The following RIN3 variants were observed in gnomAD, a reference collection of about 807,000 sequenced individuals.
RIN3 encodes the protein RAB5 interacting protein 3.
A neutral mutation model predicts 76.3 loss-of-function variants in RIN3; 54 were observed. The observed-to-expected ratio is 0.71, with a 90% confidence interval of 0.57 to 0.89. The LOEUF (loss-of-function observed/expected upper bound fraction) is 0.89, where lower values mean the gene tolerates loss of function less well. Ranked by LOEUF, RIN3 falls within the 40% of genes least tolerant of loss-of-function variation. The pLI is 0.00. For synonymous variants in RIN3, 576 were observed against 564.0 expected, an observed-to-expected ratio of 1.02 and a Z score of -0.30; for missense variants, 1,256 against 1,322.1, an observed-to-expected ratio of 0.95 and a Z score of 0.78.
chr14:92,572,963 C>A (rs1898106402), intron 2 of RIN3, among the ~76,000 whole-genome samples: 1 of 142,028 alleles, frequency 7.0e-6, no homozygotes, highest in Non-Finnish European at 1.5e-5. Context: ...CTCACTGCAA[C>A]CTCTGCCTCC....
At chr14:92,657,911 C>T (rs1056462737) in intron 6 of RIN3, among the ~76,000 whole-genome samples, 21 of 152,200 alleles carry the variant, frequency 1.4e-4, no homozygotes, top group African/African-American at 5.1e-4. Flanking sequence ...AGCATGAGTC[C>T]CTCCCTCCTC....
intron 3 of RIN3, among the ~76,000 whole-genome samples, chr14:92,579,115 A>G (rs568830164): frequency 1.3e-5 from 2 of 151,876 alleles, no homozygotes; most frequent in African/African-American, 4.8e-5. Context: ...TTTAGTAGAG[A>G]CGGAGTTTCT....
chr14:92,602,526 G>A (rs1465812989), intron 3 of RIN3, among the ~76,000 whole-genome samples: 1 of 152,192 alleles, frequency 6.6e-6, no homozygotes, highest in African/African-American at 2.4e-5. Context: ...GCCTTCCTGA[G>A]CCTCAGTTTC....
At chr14:92,515,133 CCCTT>C (rs955378899) in intron 1 of RIN3, 43 of 662,126 alleles carry the variant, frequency 6.5e-5, no homozygotes, top group African/African-American at 5.5e-4. Context: ...CTGAACGTCT[CCCTT>C]CCCTTCTTCT....
At chr14:92,605,386 G>A (rs1012663530) in intron 3 of RIN3, among the ~76,000 whole-genome samples, 4 of 152,186 alleles carry the variant, frequency 2.6e-5, no homozygotes, top group African/African-American at 9.7e-5. Flanking sequence ...TTAGAAGTGG[G>A]ATCTCTGGGG....
intron 5 of RIN3, among the ~76,000 whole-genome samples, chr14:92,646,488 G>A (rs547656513): frequency 6.6e-6 from 1 of 152,350 alleles, no homozygotes; most frequent in Non-Finnish European, 1.5e-5. Flanking sequence ...AGGCTGGAGT[G>A]CAGTGGCACG....
intron 2 of RIN3, 66 bp from the exon 3 acceptor site, chr14:92,577,294 G>C: frequency 9.2e-7 from 1 of 1,089,122 alleles, no homozygotes; most frequent in African/African-American, 1.5e-5. Flanking sequence ...TCCATCTCGT[G>C]GTTGTCCTCC....
chr14:92,605,443 A>G (rs1265116339), intron 3 of RIN3, among the ~76,000 whole-genome samples: 1 of 152,246 alleles, frequency 6.6e-6, no homozygotes, highest in Non-Finnish European at 1.5e-5. Flanking sequence ...TGTGTTTCAC[A>G]AGTATGTGTA....
chr14:92,577,926 A>G (rs546759998), intron 3 of RIN3, among the ~76,000 whole-genome samples: 3 of 152,316 alleles, frequency 2.0e-5, no homozygotes, highest in Admixed American at 6.5e-5. Context: ...GTGAGGGTCA[A>G]AGGGACAAAC....
At chr14:92,602,281 C>G (rs578180717) in intron 3 of RIN3, among the ~76,000 whole-genome samples, 2 of 152,314 alleles carry the variant, frequency 1.3e-5, no homozygotes, top group South Asian at 4.1e-4. Context: ...AAGTTCTGCC[C>G]AAGAAGGCCT....
At chr14:92,538,120 C>T (rs772980339) in intron 1 of RIN3, among the ~76,000 whole-genome samples, 46 of 151,518 alleles carry the variant, frequency 3.0e-4, no homozygotes, top group East Asian at 9.7e-4. Flanking sequence ...CCACCACACC[C>T]GGCCACACCT....
chr14:92,544,925 C>T (rs1897222326), intron 1 of RIN3, among the ~76,000 whole-genome samples: 1 of 152,064 alleles, frequency 6.6e-6, no homozygotes, highest in Admixed American at 6.6e-5. Context: ...TCAAGGGCAG[C>T]CATCTTCCTG....
chr14:92,514,540 C>G lies in RIN3; in HGVS notation c.44+564C>G, dbSNP rs982891064. 6.6e-6 allele frequency among the ~76,000 whole-genome samples: 1 copy of G among 152,256 alleles called. No homozygotes were observed. The highest frequency in any genetic ancestry group is 1.5e-5 in the Non-Finnish European group (1 of 68,042). On this transcript the variant is annotated intron_variant, in intron 1 of 9. Coordinates refer to ENST00000216487, the MANE Select transcript of RIN3 (RefSeq NM_024832.5). This position sits in a 1 kb window ranked among gnomAD's most constrained non-coding sequence, Gnocchi z 7.2. ...ACTGGGCCCTTTTCCCGCCGCCCCTCTGCCCTGGCCGTAGACGGTGACCTT... is the reference window on the plus strand; with the variant it reads ...ACTGGGCCCTTTTCCCGCCGCCCCTGTGCCCTGGCCGTAGACGGTGACCTT...
intron 2 of RIN3, among the ~76,000 whole-genome samples, chr14:92,575,440 G>C (rs1952333): frequency 0.9 from 137,116 of 152,174 alleles, 62,138 homozygotes; most frequent in Non-Finnish European, 0.95. Flanking sequence ...AAAAGAATGG[G>C]TGCTCTATCC....
chr14:92,543,420 C>G (rs1269911379), intron 1 of RIN3, among the ~76,000 whole-genome samples: 1 of 152,056 alleles, frequency 6.6e-6, no homozygotes, highest in Non-Finnish European at 1.5e-5. Context: ...GGTCTTCAAA[C>G]AGATACAACT....
chr14:92,612,547 T>C (rs1054104261), intron 3 of RIN3, among the ~76,000 whole-genome samples: 2 of 152,216 alleles, frequency 1.3e-5, no homozygotes, highest in East Asian at 3.9e-4. Flanking sequence ...AGACAGACTT[T>C]TAGTAAACAT....
chr14:92,669,394 G>A (rs890880408), intron 7 of RIN3, among the ~76,000 whole-genome samples: 24 of 152,198 alleles, frequency 1.6e-4, no homozygotes, highest in African/African-American at 5.1e-4. Context: ...CTGAGTTAAC[G>A]TGTGATATTG....
chr14:92,566,672 C>T (rs999227279), intron 2 of RIN3, among the ~76,000 whole-genome samples: 1 of 152,136 alleles, frequency 6.6e-6, no homozygotes, highest in African/African-American at 2.4e-5. Flanking sequence ...GACCCCATTT[C>T]ACAGAAAAAG....
intron 8 of RIN3, among the ~76,000 whole-genome samples, chr14:92,683,721 A>G (rs140487157): frequency 0.033 from 5,083 of 152,324 alleles, 120 homozygotes; most frequent in Non-Finnish European, 0.054. Context: ...CCAGTGAGCT[A>G]TGTGTGAATT....
Sources: allele counts gnomAD v4.1 joint callset (sites outside exome capture counted in the v4.1 genomes callset), GRCh38; gene constraint gnomAD v4.1.1; non-coding constraint Gnocchi (gnomAD v3.1); transcripts MANE v1.5; gene names NCBI Gene and HGNC (gene_info 2026-07-23, HGNC 2026-07-21).